HHAT: variants seen among roughly 807,000 people sequenced by gnomAD.
HHAT encodes the protein hedgehog acyltransferase.
Under a neutral mutation model 70.8 loss-of-function variants are expected in HHAT, and 47 were observed. The ratio of observed to expected loss-of-function variants is 0.66; its 90% confidence interval spans 0.53 to 0.85. The LOEUF is 0.85. HHAT is among the 40% of genes least tolerant of loss of function. HHAT has a pLI of 0.00. For missense variants in HHAT, 609 were observed against 604.8 expected (o/e 1.01, Z -0.07); for synonymous variants, 228 against 247.6 (o/e 0.92, Z 0.74).
chr1:210,562,187 C>T (rs1353604661), intron 9 of HHAT, among the ~76,000 whole-genome samples: 2 of 152,032 alleles, frequency 1.3e-5, no homozygotes, highest in African/African-American at 4.8e-5. Context: ...GAGTTGACTG[C>T]TGTTTCAAGA....
intron 3 of HHAT, among the ~76,000 whole-genome samples, chr1:210,380,927 C>T (rs1558399207): frequency 1.3e-5 from 2 of 152,090 alleles, no homozygotes; most frequent in African/African-American, 4.8e-5. Flanking sequence ...GCATGAGTCT[C>T]ACTGAGAAGT....
At chr1:210,538,675 A>G (rs1474997888) in intron 9 of HHAT, among the ~76,000 whole-genome samples, 1 of 152,230 alleles carries the variant, frequency 6.6e-6, no homozygotes, top group Non-Finnish European at 1.5e-5. Flanking sequence ...AATAAATACT[A>G]GAGATAACTG....
chr1:210,563,885 A>G (rs955212653), intron 9 of HHAT, among the ~76,000 whole-genome samples: 5 of 152,152 alleles, frequency 3.3e-5, no homozygotes, highest in African/African-American at 9.7e-5. Flanking sequence ...TCAGTGTATT[A>G]TTAGCCTCAG....
chr1:210,565,294 T>G (rs1201447378), intron 9 of HHAT, among the ~76,000 whole-genome samples: 1 of 152,228 alleles, frequency 6.6e-6, no homozygotes, highest in East Asian at 1.9e-4. Context: ...ATGCAAGCTC[T>G]GCTGTGAGTT....
intron 9 of HHAT, among the ~76,000 whole-genome samples, chr1:210,575,158 C>CTG (rs1158174568): frequency 6.6e-6 from 1 of 152,186 alleles, no homozygotes; most frequent in Non-Finnish European, 1.5e-5. Flanking sequence ...CCTCCTGACT[C>CTG]TGTGGTGGGA....
intron 8 of HHAT, among the ~76,000 whole-genome samples, chr1:210,468,468 C>A (rs149993292): frequency 9.2e-5 from 14 of 152,282 alleles, no homozygotes; most frequent in South Asian, 6.2e-4. Flanking sequence ...GAGGCAAACT[C>A]ATGCATGATT....
chr1:210,530,241 G>T (rs1228780997), intron 9 of HHAT, among the ~76,000 whole-genome samples: 1 of 152,064 alleles, frequency 6.6e-6, no homozygotes, highest in Non-Finnish European at 1.5e-5. Context: ...AACAGTAACC[G>T]TCCCAATAAG....
chr1:210,672,315 G>A (rs1002673839), intron 11 of HHAT, among the ~76,000 whole-genome samples: 11 of 152,156 alleles, frequency 7.2e-5, no homozygotes, highest in Non-Finnish European at 8.8e-5. Context: ...ACCCCCAGGG[G>A]CTTCCCGCAG....
rs1680859699 is a variant in HHAT at position 210,674,735 on chromosome 1, T to C, written c.*356T>C. Reference sequence around the variant, plus strand: ...AAGAATAGAATGTAGTGGAAATTTATTGATTGAGACACAGAAATCCTGATT... The same window carrying C: ...AAGAATAGAATGTAGTGGAAATTTACTGATTGAGACACAGAAATCCTGATT... On this transcript the variant is annotated 3_prime_UTR_variant, in exon 12 of 12. Coordinates refer to ENST00000261458, the MANE Select transcript of HHAT (RefSeq NM_018194.6). 5.3e-6 allele frequency: 1 copy of C among 188,120 alleles called. No homozygotes were observed. Among genetic ancestry groups the C allele is most frequent in the Non-Finnish European group, 1.1e-5 (1 of 91,890 alleles). The allele number at this position is 188,120 out of a possible 1,614,324, so 11.7% of individuals were successfully genotyped here. A position where few individuals can be genotyped will look rare whatever the true frequency, so the allele number is the denominator to read the frequency against.
chr1:210,343,888 A>C (rs568543666), intron 1 of HHAT, among the ~76,000 whole-genome samples: 12 of 152,310 alleles, frequency 7.9e-5, no homozygotes, highest in African/African-American at 2.9e-4. Context: ...TGATGAGTGA[A>C]ATTCACTAAC....
chr1:210,613,440 G>T (rs891153263), intron 10 of HHAT, among the ~76,000 whole-genome samples: 3 of 152,004 alleles, frequency 2.0e-5, no homozygotes, highest in Admixed American at 6.6e-5. Context: ...CGTATATAAG[G>T]GTTTATTTCT....
At chr1:210,462,848 G>GT (rs1422787228) in intron 7 of HHAT, 1 of 152,202 alleles carries the variant, frequency 6.6e-6, no homozygotes, top group African/African-American at 2.4e-5. Context: ...AAAGATCCTA[G>GT]TGTAGCATCA....
intron 11 of HHAT, among the ~76,000 whole-genome samples, chr1:210,631,909 T>C (rs554614286): frequency 1.3e-5 from 2 of 152,332 alleles, no homozygotes; most frequent in South Asian, 2.1e-4. Flanking sequence ...AAAAAAACTT[T>C]TCATTATCTT....
intron 10 of HHAT, among the ~76,000 whole-genome samples, chr1:210,608,153 G>A (rs192275243): frequency 6.8e-4 from 104 of 152,122 alleles, no homozygotes; most frequent in African/African-American, 2.3e-3. Flanking sequence ...ACTCCATTTC[G>A]AGATTCCTCG....
At chr1:210,460,446 G>A (rs1195546957) in intron 7 of HHAT, among the ~76,000 whole-genome samples, 6 of 152,166 alleles carry the variant, frequency 3.9e-5, no homozygotes, top group Admixed American at 6.5e-5. Context: ...TGCTTGGCAC[G>A]TATGTACACA....
intron 3 of HHAT, among the ~76,000 whole-genome samples, chr1:210,370,999 T>C (rs550421996): frequency 1.3e-5 from 2 of 152,290 alleles, no homozygotes; most frequent in South Asian, 4.1e-4. Flanking sequence ...ACATTTTTCC[T>C]ACCTGTCCGC....
At chr1:210,462,409 G>A (rs1015690390) in intron 7 of HHAT, 3 of 152,202 alleles carry the variant, frequency 2.0e-5, no homozygotes, top group African/African-American at 7.2e-5. Flanking sequence ...CATTTTGCAT[G>A]AGTTGCGAGC....
intron 8 of HHAT, among the ~76,000 whole-genome samples, chr1:210,464,894 C>T (rs1034793688): frequency 6.6e-6 from 1 of 152,024 alleles, no homozygotes; most frequent in African/African-American, 2.4e-5. Context: ...GTCTGTGTAC[C>T]GATGCACAAA....
At chr1:210,459,986 C>T (rs1157750845) in intron 7 of HHAT, among the ~76,000 whole-genome samples, 1 of 152,196 alleles carries the variant, frequency 6.6e-6, no homozygotes, top group Non-Finnish European at 1.5e-5. Context: ...ACATGGCTGG[C>T]TATTGAGGCT....
Sources: gnomAD v4.1 joint callset for allele counts (sites outside exome capture counted in the v4.1 genomes callset) on GRCh38, gnomAD v4.1.1 for gene constraint, MANE v1.5 for transcripts, NCBI Gene and HGNC (gene_info 2026-07-23, HGNC 2026-07-21) for gene names.